Variants in R3HDM1 observed in about 807,000 individuals in gnomAD.
The protein encoded by R3HDM1 is R3H domain-containing protein 1.
A neutral mutation model predicts 141.1 loss-of-function variants in R3HDM1; 46 were observed. The observed-to-expected ratio is 0.33, with a 90% CI of 0.26 to 0.42. R3HDM1 has a LOEUF of 0.42. Among genes scored for constraint, R3HDM1 ranks in the 10% least tolerant of loss-of-function variants. The pLI is 1.00. For missense variants in R3HDM1, 1,184 were observed against 1,368.3 expected, an observed-to-expected ratio of 0.87 and a Z score of 2.12; for synonymous variants, 435 against 472.9, an observed-to-expected ratio of 0.92 and a Z score of 1.04.
chr2:135,663,956 C>T (rs574941761), intron 19 of R3HDM1, among the ~76,000 whole-genome samples: 116 of 151,490 alleles, frequency 7.7e-4, no homozygotes, highest in African/African-American at 2.6e-3. Context: ...ATCGTTTGAA[C>T]CTAGGAGGCG....
chr2:135,639,158 A>G, intron 14 of R3HDM1, 36 bp downstream of exon 14: 8 of 1,584,764 alleles, frequency 5.0e-6, no homozygotes, highest in Non-Finnish European at 6.9e-6. Context: ...CAGTCAAGTC[A>G]TTAGTTTTCC....
In R3HDM1 at chr2:135,680,412, G is replaced by A. The variant is rs1447780971; in HGVS notation, c.2459+88G>A. On this transcript the variant is annotated intron_variant, in intron 21 of 26. Transcript: ENST00000683871. The stretch of plus-strand genomic sequence containing the variant: ...TGCTAGTTTTAAAGTTGACTAAGGG[G>A]CATTACTTGAGAACATTCTCTAATG... The A allele has an allele frequency of 4.3e-6, 6 of 1,397,248 alleles. No homozygotes were observed. In the African/African-American group the frequency reaches 4.3e-5, roughly 10 times the overall value. 86.6% of individuals were successfully genotyped at this position (1,397,248 alleles called of 1,614,324 possible).
intron 1 of R3HDM1, among the ~76,000 whole-genome samples, chr2:135,562,655 C>A (rs1286160200): frequency 6.6e-6 from 1 of 152,188 alleles, no homozygotes; most frequent in Non-Finnish European, 1.5e-5. Context: ...TTTACACCTT[C>A]AGGTTCATGA....
intron 17 of R3HDM1, 72 bp downstream of exon 17, chr2:135,650,075 T>G: frequency 9.2e-7 from 1 of 1,083,750 alleles, no homozygotes; most frequent in African/African-American, 1.7e-5. Context: ...AGAGTGTCAT[T>G]AATGTAATAT....
At chr2:135,535,806 C>T (rs1245409544) in intron 1 of R3HDM1, among the ~76,000 whole-genome samples, 3 of 152,086 alleles carry the variant, frequency 2.0e-5, no homozygotes, top group Non-Finnish European at 4.4e-5. Flanking sequence ...TATATCATTT[C>T]CAGAATTTAA....
intron 6 of R3HDM1, chr2:135,621,976 G>C: frequency 1.0e-6 from 1 of 983,672 alleles, no homozygotes; most frequent in Non-Finnish European, 1.2e-6. Flanking sequence ...TATCCAGTAA[G>C]AATATTCTTG....
intron 18 of R3HDM1, among the ~76,000 whole-genome samples, chr2:135,652,471 TTAAC>T (rs2065250856): frequency 1.3e-5 from 2 of 152,208 alleles, no homozygotes; most frequent in African/African-American, 4.8e-5. Flanking sequence ...TTTTGAATAT[TTAAC>T]TAACTTTTAA....
chr2:135,686,950 G>C (rs1269037212), intron 21 of R3HDM1, among the ~76,000 whole-genome samples: 1 of 152,172 alleles, frequency 6.6e-6, no homozygotes, highest in Non-Finnish European at 1.5e-5. Flanking sequence ...TGTAATCCCA[G>C]CACTTTGGGA....
rs777250046 is a variant in R3HDM1, at chr2:135,724,190, G to A, written c.3303G>A (p.Gln1101=). 32 of 1,613,848 alleles carry A rather than the reference G, an allele frequency of 2.0e-5. No individual in the cohort carries two copies. The highest frequency in any genetic ancestry group is 2.5e-5 in the Non-Finnish European group (30 of 1,179,880). The change falls in exon 27 of 27, where the codon CAG becomes CAA. Residue 1101 remains glutamine, a synonymous_variant. Coordinates refer to ENST00000683871, the MANE Select transcript of R3HDM1 (RefSeq NM_001378107.1). ...CATTCCCCTCCATTTCAGCTGCACA[G>A]AATGCACTGAAGAAACAAATTAACT... ...LATFPSISAA[Q]NALKKQINSV... is the part of the protein sequence containing the mutation.
intron 15 of R3HDM1, among the ~76,000 whole-genome samples, chr2:135,644,265 G>A (rs1002949419): frequency 4.6e-5 from 7 of 152,228 alleles, no homozygotes; most frequent in Admixed American, 4.6e-4. Flanking sequence ...CACTTTAGGA[G>A]ACCAAGGCGG....
chr2:135,646,066 T>C (rs2064362100), intron 16 of R3HDM1, among the ~76,000 whole-genome samples: 2 of 152,202 alleles, frequency 1.3e-5, no homozygotes, highest in African/African-American at 2.4e-5. Flanking sequence ...TCAGTCTTTT[T>C]CCCCTACAGT....
Position 135,687,147 on chromosome 2 carries a change from A to G in R3HDM1, c.2459+6823A>G, listed in dbSNP as rs564339134. Among the ~76,000 whole-genome samples, 302 of 152,372 alleles carry G rather than the reference A, an allele frequency of 2.0e-3. 3 individuals carry two copies. The highest frequency in any genetic ancestry group is 7.0e-3 in the African/African-American group (292 of 41,594). On this transcript the variant is annotated intron_variant, in intron 21 of 26. Coordinates refer to ENST00000683871, the MANE Select transcript of R3HDM1 (RefSeq NM_001378107.1). ...GAGGCAGAGGTTGCAGTGAGCCGAG[A>G]TAGTGCCACTGCATTCTAGCCTAGG...
intron 1 of R3HDM1, among the ~76,000 whole-genome samples, chr2:135,578,549 A>G (rs1476907025): frequency 6.6e-6 from 1 of 152,218 alleles, no homozygotes; most frequent in Non-Finnish European, 1.5e-5. Flanking sequence ...GCAAGTGTGG[A>G]GAAAGGAGCC....
At position 135,631,844 on chromosome 2, in the gene R3HDM1, T is replaced by C; in HGVS notation, c.558-17T>C. ...ATTCTCCTTGACTTACTAAGTTGGT[T>C]TTTCTTGTGCTTCTAGGTCTCCACG... On this transcript the variant is annotated splice_polypyrimidine_tract_variant and intron_variant, in intron 8 of 26. Transcript: ENST00000683871. 1.3e-6 allele frequency: 2 copies of C among 1,598,854 alleles called. No individual in the cohort carries two copies. Among genetic ancestry groups the C allele is most frequent in the South Asian group, 2.3e-5 (2 of 87,910 alleles).
chr2:135,655,096 G>T (rs1279985556), intron 18 of R3HDM1, among the ~76,000 whole-genome samples: 1 of 151,912 alleles, frequency 6.6e-6, no homozygotes, highest in Non-Finnish European at 1.5e-5. Context: ...TTTATTGCTT[G>T]TGCTTTTGGT....
intron 1 of R3HDM1, among the ~76,000 whole-genome samples, chr2:135,593,183 G>C (rs1363253324): frequency 6.6e-6 from 1 of 152,002 alleles, no homozygotes; most frequent in African/African-American, 2.4e-5. Context: ...GCCTCCCAAA[G>C]TGCTGGGATT....
chr2:135,656,324 G>A (rs2065888302), intron 18 of R3HDM1, among the ~76,000 whole-genome samples: 1 of 151,978 alleles, frequency 6.6e-6, no homozygotes, highest in Non-Finnish European at 1.5e-5. Flanking sequence ...ACAGTGATTG[G>A]AGTGTCATTA....
rs1446456247 is a variant in R3HDM1 at position 135,651,846 on chromosome 2, G to A, written c.1842G>A (p.Gln614=). The change falls in exon 18 of 27, where the codon CAG becomes CAA. Residue 614 remains glutamine (Q), a synonymous_variant. Coordinates refer to ENST00000683871, the MANE Select transcript of R3HDM1 (RefSeq NM_001378107.1). Reference sequence around the variant, plus strand: ...CCACTGTGGTTCTTCAGTCTCCACAGCAGTCTGGTTATATCATGACAGCAG... The same window carrying A: ...CCACTGTGGTTCTTCAGTCTCCACAACAGTCTGGTTATATCATGACAGCAG... The part of the protein sequence containing the change: ...FQSTVVLQSP[Q]QSGYIMTAAP... 2 of 1,613,926 alleles carry A rather than the reference G, an allele frequency of 1.2e-6. No homozygotes were observed. The highest frequency in any genetic ancestry group is 3.3e-5 in the Admixed American group (2 of 59,984).
chr2:135,659,710 G>GGCTGCCA (rs1366445661), intron 18 of R3HDM1, among the ~76,000 whole-genome samples: 2 of 152,124 alleles, frequency 1.3e-5, no homozygotes, highest in Admixed American at 6.5e-5. Flanking sequence ...AGTGCTGGGA[G>GGCTGCCA]TACAGGCGTC....
Sources: gnomAD v4.1 joint callset for allele counts (sites outside exome capture counted in the v4.1 genomes callset) on GRCh38, gnomAD v4.1.1 for gene constraint, MANE v1.5 for transcripts, NCBI Gene and HGNC (gene_info 2026-07-23, HGNC 2026-07-21) for gene names.